Variants in PCDHB6 observed in about 807,000 individuals in gnomAD.
PCDHB6 encodes protocadherin beta 6.
For synonymous variants in PCDHB6, 506 were observed against 459.0 expected (o/e 1.10, Z -1.31); for missense variants, 1,137 against 1,010.1 (o/e 1.13, Z -1.70).
rs1554277579 is a variant in PCDHB6, at chr5:141,151,027, G to A, written c.770G>A (p.Gly257Asp). Residue 257 changes from glycine to aspartate, a missense_variant, in exon 1 of 1, where the codon GGC becomes GAC. Physicochemically the swap from Gly to Asp is moderately conservative, Grantham distance 94 (BLOSUM62 -1). Transcript: ENST00000231136. ...CAAGTCCCTGAGAACAACCCCCTCG[G>A]CTCTCTGGTTATTACCGTCTCAGCC... is the stretch of plus-strand genomic sequence containing the variant. Reference protein sequence around the residue: ...EAQVPENNPLGSLVITVSARD... With the variant: ...EAQVPENNPLDSLVITVSARD... 5.0e-6 allele frequency: 8 copies of A among 1,614,184 alleles called. No homozygotes were observed.
Position 141,151,995 on chromosome 5 carries a change from C to T in PCDHB6, c.1738C>T (p.Pro580Ser), listed in dbSNP as rs1554277887. 1.2e-6 allele frequency: 2 copies of T among 1,609,586 alleles called. No homozygotes were observed. The highest frequency in any genetic ancestry group is 1.1e-5 in the South Asian group (1 of 90,944). ...CGAGCTGGTGCCCCGGGCGGCCGAG[C>T]CGGGCTACCTGGTGACCAAGGTGGT... ...CTELVPRAAEPGYLVTKVVAV... is the reference protein window; with the variant it reads ...CTELVPRAAESGYLVTKVVAV... The change falls in exon 1 of 1, where the codon CCG becomes TCG. Residue 580 changes from proline (P) to serine (S), a missense_variant. Transcript: ENST00000231136.
rs905980630 is a variant in PCDHB6, at chr5:141,150,131, A to G, written c.-127A>G. ...CTGAGATAGATGTGTCCGGGAAGGC[A>G]GTCGTCGCCAGACAAGTTGTAAGAA... On this transcript the variant is annotated 5_prime_UTR_variant, in exon 1 of 1. Transcript: ENST00000231136. 7.1e-6 allele frequency: 5 copies of G among 700,018 alleles called. No individual in the cohort carries two copies. The Admixed American group carries it at 8.4e-5, about 12-fold the overall frequency. 43.4% of individuals were successfully genotyped at this position (700,018 alleles called of 1,614,324 possible). A position where few individuals can be genotyped will look rare whatever the true frequency, so the allele number is the denominator to read the frequency against.
In PCDHB6 at chr5:141,150,538, T is replaced by A; in HGVS notation, c.281T>A (p.Leu94Gln). The A allele has an allele frequency of 1.2e-6, 2 of 1,614,014 alleles. No homozygotes were observed. The highest frequency in any genetic ancestry group is 1.7e-6 in the Non-Finnish European group (2 of 1,179,930). Residue 94 changes from leucine (L) to glutamine (Q), a missense_variant, in exon 1 of 1, where the codon CTG becomes CAG. By Grantham distance (113) the Leu-to-Gln change is moderately radical. Coordinates refer to ENST00000231136, the MANE Select transcript of PCDHB6 (RefSeq NM_018939.4). ...LLNEKLDREE[L>Q]CGSTEPCVLP... is the part of the protein sequence containing the mutation. ...AATGAAAAACTGGACCGGGAGGAGCTGTGTGGCTCCACTGAGCCGTGTGTG... is the reference window on the plus strand; with the variant it reads ...AATGAAAAACTGGACCGGGAGGAGCAGTGTGGCTCCACTGAGCCGTGTGTG...
At position 141,151,195 on chromosome 5, in the gene PCDHB6, A is replaced by G. The variant is rs782294141; in HGVS notation, c.938A>G (p.Tyr313Cys). The G allele has an allele frequency of 1.9e-6, 3 of 1,614,092 alleles. No homozygotes were observed. Among genetic ancestry groups the G allele is most frequent in the African/African-American group, 2.7e-5 (2 of 74,924 alleles). ...TTGGATTTTGAGGAAATTCAGTCTT[A>G]TGACGTGGATGTTGAGGCTACAGAT... ...KALDFEEIQS[Y>C]DVDVEATDGG... is the part of the protein sequence containing the mutation. Residue 313 changes from tyrosine to cysteine, a missense_variant, in exon 1 of 1, where the codon TAT (tyrosine) becomes TGT (cysteine). By Grantham distance (194) the Tyr-to-Cys change is radical. Coordinates refer to ENST00000231136, the MANE Select transcript of PCDHB6 (RefSeq NM_018939.4).
In PCDHB6 at chr5:141,152,765, A is replaced by T. The variant is rs1752920785; in HGVS notation, c.*123A>T. The T allele has an allele frequency of 2.4e-6, 2 of 842,832 alleles. No individual in the cohort carries two copies. The highest frequency in any genetic ancestry group is 2.3e-5 in the South Asian group (1 of 44,188). 52.2% of individuals were successfully genotyped at this position (842,832 alleles called of 1,614,324 possible). A position where few individuals can be genotyped will look rare whatever the true frequency, so the allele number is the denominator to read the frequency against. On this transcript the variant is annotated 3_prime_UTR_variant, in exon 1 of 1. Coordinates refer to ENST00000231136, the MANE Select transcript of PCDHB6 (RefSeq NM_018939.4). ...AGGTTGAAATTTTATATAAAGTAAG[A>T]TACTGGTATCTTAGTATTTCCTGTT... is the stretch of plus-strand genomic sequence containing the variant.
At position 141,150,660 on chromosome 5, in the gene PCDHB6, A is replaced by C. The variant is rs1554277482; in HGVS notation, c.403A>C (p.Arg135=). The C allele has an allele frequency of 1.2e-6, 2 of 1,614,076 alleles. No homozygotes were observed. The highest frequency in any genetic ancestry group is 1.3e-5 in the African/African-American group (1 of 74,944). Residue 135 remains arginine, a synonymous_variant, in exon 1 of 1, where the codon AGA becomes CGA. Transcript: ENST00000231136. ...INDHAPEFPA[R]EMLLKISEIT... ...TGACCACGCCCCGGAATTCCCTGCC[A>C]GAGAAATGCTCCTGAAAATATCAGA...
At position 141,151,814 on chromosome 5, in the gene PCDHB6, CGA is replaced by C; in HGVS notation, c.1559_1560del (p.Glu520GlyfsTer153). 6.2e-7 allele frequency: 1 copy of C among 1,613,062 alleles called. No homozygotes were observed. The highest frequency in any genetic ancestry group is 2.2e-5 in the East Asian group (1 of 44,882). On this transcript the variant is annotated frameshift_variant, in exon 1 of 1. Transcript: ENST00000231136. LOFTEE classifies it low-confidence loss of function (END_TRUNC). ...HLFALRSLDY[E>X]ALQSFEFRVG... is the part of the protein sequence containing the mutation. ...TGTTTGCCCTCAGGTCGCTGGACTA[CGA>C]GGCCCTGCAGTCTTTCGAGTTCCGC... is the stretch of plus-strand genomic sequence containing the variant.
Position 141,152,354 on chromosome 5 carries a change from C to T in PCDHB6, c.2097C>T (p.Phe699=), listed in dbSNP as rs1338750542. The T allele has an allele frequency of 6.2e-7, 1 of 1,610,604 alleles. No homozygotes were observed. Among genetic ancestry groups the T allele is most frequent in the Non-Finnish European group, 8.5e-7 (1 of 1,179,894 alleles). Residue 699 remains phenylalanine, a synonymous_variant, in exon 1 of 1, where the codon TTC becomes TTT. Coordinates refer to ENST00000231136, the MANE Select transcript of PCDHB6 (RefSeq NM_018939.4). ...VVALASVSSL[F]LFSVLLFVAV... ...CGTTGGCCTCGGTGTCGTCGCTCTT[C>T]CTCTTTTCGGTGCTCCTGTTCGTGG...
In PCDHB6 at chr5:141,150,539, G is replaced by A; in HGVS notation, c.282G>A (p.Leu94=). The change falls in exon 1 of 1, where the codon CTG becomes CTA. Residue 94 remains leucine, a synonymous_variant. Transcript: ENST00000231136. The part of the protein sequence containing the change: ...LLNEKLDREE[L]CGSTEPCVLP... ...ATGAAAAACTGGACCGGGAGGAGCT[G>A]TGTGGCTCCACTGAGCCGTGTGTGC... The A allele has an allele frequency of 6.2e-7, 1 of 1,614,118 alleles. No homozygotes were observed. Among genetic ancestry groups the A allele is most frequent in the Non-Finnish European group, 8.5e-7 (1 of 1,179,970 alleles).
Position 141,151,570 on chromosome 5 carries a change from A to T in PCDHB6, c.1313A>T (p.Gln438Leu), listed in dbSNP as rs781816634. Residue 438 changes from glutamine (Q) to leucine (L), a missense_variant, in exon 1 of 1, where the codon CAG becomes CTG. Gln to Leu is a moderately radical substitution (Grantham distance 113). Transcript: ENST00000231136. Reference protein sequence around the residue: ...RLKTQQSITVQVSDVNDNAPA... With the variant: ...RLKTQQSITVLVSDVNDNAPA... ...AAAACCCAGCAGAGCATAACTGTGC[A>T]GGTCTCCGACGTCAATGACAACGCC... 2 of 1,613,958 alleles carry T rather than the reference A, an allele frequency of 1.2e-6. No homozygotes were observed. Among genetic ancestry groups the T allele is most frequent in the Admixed American group, 1.7e-5 (1 of 59,996 alleles).
In PCDHB6 at chr5:141,152,344, C is replaced by A. The variant is rs201140097; in HGVS notation, c.2087C>A (p.Ser696Ter). The A allele has an allele frequency of 6.2e-7, 1 of 1,609,638 alleles. No individual in the cohort carries two copies. The highest frequency in any genetic ancestry group is 8.5e-7 in the Non-Finnish European group (1 of 1,179,860). The change falls in exon 1 of 1, where the codon TCG (serine) becomes TAG (stop). Residue 696 changes from serine (S) to a stop codon, truncating the protein, a stop_gained. Coordinates refer to ENST00000231136, the MANE Select transcript of PCDHB6 (RefSeq NM_018939.4). LOFTEE classifies it low-confidence loss of function (END_TRUNC). ...CTGGTGGTGGCGTTGGCCTCGGTGT[C>A]GTCGCTCTTCCTCTTTTCGGTGCTC... Reference protein sequence around the residue: ...VYLVVALASVSSLFLFSVLLF... With the variant: ...VYLVVALASV
In PCDHB6 at chr5:141,151,880, C is replaced by A. The variant is rs61730259; in HGVS notation, c.1623C>A (p.Ser541Arg). Residue 541 changes from serine (S) to arginine (R), a missense_variant, in exon 1 of 1, where the codon AGC becomes AGA. Coordinates refer to ENST00000231136, the MANE Select transcript of PCDHB6 (RefSeq NM_018939.4). ...ATDRGSPALS[S>R]EALVRLLVLD... ...ACCGCGGCTCCCCGGCGTTGAGCAG[C>A]GAGGCGCTGGTGCGCTTGCTGGTGC... The A allele has an allele frequency of 3.1e-6, 5 of 1,611,926 alleles. No individual in the cohort carries two copies. The highest frequency in any genetic ancestry group is 1.7e-5 in the Admixed American group (1 of 59,986).
In PCDHB6 at chr5:141,151,585, A is replaced by C. The variant is rs1194227656; in HGVS notation, c.1328A>C (p.Asn443Thr). ...ATAACTGTGCAGGTCTCCGACGTCA[A>C]TGACAACGCCCCCGCCTTCACCCAA... ...QSITVQVSDV[N>T]DNAPAFTQTS... Residue 443 changes from asparagine to threonine, a missense_variant, in exon 1 of 1, where the codon AAT (asparagine) becomes ACT (threonine). Transcript: ENST00000231136. 1 of 1,614,006 alleles carries C rather than the reference A, an allele frequency of 6.2e-7. No homozygotes were observed. The highest frequency in any genetic ancestry group is 8.5e-7 in the Non-Finnish European group (1 of 1,180,024).
chr5:141,151,428 C>G lies in PCDHB6; in HGVS notation c.1171C>G (p.Leu391Val). The G allele has an allele frequency of 6.2e-7, 1 of 1,614,176 alleles. No homozygotes were observed. Among genetic ancestry groups the G allele is most frequent in the Admixed American group, 1.7e-5 (1 of 60,024 alleles). The change falls in exon 1 of 1, where the codon CTA (leucine) becomes GTA (valine). Residue 391 changes from leucine (L) to valine (V), a missense_variant. Transcript: ENST00000231136. Reference protein sequence around the residue: ...CSIENNLPFLLRPSVENFYTL... With the variant: ...CSIENNLPFLVRPSVENFYTL... ...AATAGAGAACAATCTCCCCTTTCTACTAAGACCTTCCGTGGAGAATTTCTA... is the reference window on the plus strand; with the variant it reads ...AATAGAGAACAATCTCCCCTTTCTAGTAAGACCTTCCGTGGAGAATTTCTA...
Position 141,151,925 on chromosome 5 carries a change from G to A in PCDHB6, c.1668G>A (p.Ser556=), listed in dbSNP as rs1554277862. ...TGGTGCTGGACGCCAACGACAACTCGCCCTTCGTGTTGTACCCGCTGCAGA... is the reference window on the plus strand; with the variant it reads ...TGGTGCTGGACGCCAACGACAACTCACCCTTCGTGTTGTACCCGCTGCAGA... ...RLLVLDANDN[S]PFVLYPLQNG... The change falls in exon 1 of 1, where the codon TCG becomes TCA. Residue 556 remains serine (S), a synonymous_variant. Transcript: ENST00000231136. 24 of 1,611,560 alleles carry A rather than the reference G, an allele frequency of 1.5e-5. No individual in the cohort carries two copies. In the East Asian group the frequency reaches 4.5e-4, roughly 30 times the overall value.
chr5:141,151,510 C>A lies in PCDHB6; in HGVS notation c.1253C>A (p.Thr418Asn). 1 of 1,614,206 alleles carries A rather than the reference C, an allele frequency of 6.2e-7. No homozygotes were observed. The highest frequency in any genetic ancestry group is 8.5e-7 in the Non-Finnish European group (1 of 1,180,038). The part of the protein sequence containing the change: ...DRESRAEYNI[T>N]ITVTDLGTPR... ...GAGAGCAGAGCCGAGTACAACATCA[C>A]TATCACGGTCACTGATTTGGGGACA... The change falls in exon 1 of 1, where the codon ACT (threonine) becomes AAT (asparagine). Residue 418 changes from threonine to asparagine, a missense_variant. Physicochemically the swap from Thr to Asn is moderately conservative, Grantham distance 65. Coordinates refer to ENST00000231136, the MANE Select transcript of PCDHB6 (RefSeq NM_018939.4).
Position 141,151,221 on chromosome 5 carries a change from G to C in PCDHB6, c.964G>C (p.Gly322Arg), listed in dbSNP as rs782818986. ...SYDVDVEATDGGGLSGKCSLV... is the reference protein window; with the variant it reads ...SYDVDVEATDRGGLSGKCSLV... ...TGACGTGGATGTTGAGGCTACAGATGGTGGAGGCCTATCAGGAAAATGCTC... is the reference window on the plus strand; with the variant it reads ...TGACGTGGATGTTGAGGCTACAGATCGTGGAGGCCTATCAGGAAAATGCTC... The change falls in exon 1 of 1, where the codon GGT (glycine) becomes CGT (arginine). Residue 322 changes from glycine (G) to arginine (R), a missense_variant. Physicochemically the swap from Gly to Arg is moderately radical, Grantham distance 125 (BLOSUM62 -2). Coordinates refer to ENST00000231136, the MANE Select transcript of PCDHB6 (RefSeq NM_018939.4). 1.9e-6 allele frequency: 3 copies of C among 1,614,172 alleles called. No individual in the cohort carries two copies. Among genetic ancestry groups the C allele is most frequent in the Non-Finnish European group, 2.5e-6 (3 of 1,180,032 alleles).
At position 141,151,096 on chromosome 5, in the gene PCDHB6, T is replaced by C; in HGVS notation, c.839T>C (p.Leu280Pro). 5 of 1,614,234 alleles carry C rather than the reference T, an allele frequency of 3.1e-6. No homozygotes were observed. Among genetic ancestry groups the C allele is most frequent in the Non-Finnish European group, 4.2e-6 (5 of 1,180,028 alleles). The change falls in exon 1 of 1, where the codon CTG becomes CCG. Residue 280 changes from leucine (L) to proline (P), a missense_variant. Physicochemically the swap from Leu to Pro is moderately conservative, Grantham distance 98. Coordinates refer to ENST00000231136, the MANE Select transcript of PCDHB6 (RefSeq NM_018939.4). ...AGSFGKVSYA[L>P]FQVDDVNQPF... is the part of the protein sequence containing the mutation. ...TCGTTTGGGAAGGTATCTTACGCCC[T>C]GTTTCAAGTCGATGACGTCAACCAA... is the stretch of plus-strand genomic sequence containing the variant.
chr5:141,152,590 A>C lies in PCDHB6; in HGVS notation c.2333A>C (p.Glu778Ala). The change falls in exon 1 of 1, where the codon GAG becomes GCG. Residue 778 changes from glutamate (E) to alanine (A), a missense_variant. By Grantham distance (107) the Glu-to-Ala change is moderately radical. Transcript: ENST00000231136. ...CCCAACTTCCCTCCTCAGGGCACTG[A>C]GAGAGAAATGGAAGAAACCCCCACC... ...IMPNFPPQGT[E>A]REMEETPTSR... is the part of the protein sequence containing the mutation. 1 of 1,612,534 alleles carries C rather than the reference A, an allele frequency of 6.2e-7. No individual in the cohort carries two copies.
Sources: gnomAD v4.1 joint callset for allele counts on GRCh38, gnomAD v4.1.1 for gene constraint, MANE v1.5 for transcripts, NCBI Gene and HGNC (gene_info 2026-07-23, HGNC 2026-07-21) for gene names.